Variants in TECPR2 observed in about 807,000 individuals in gnomAD.
TECPR2 encodes tectonin beta-propeller repeat-containing protein 2.
A neutral mutation model predicts 138.1 loss-of-function variants in TECPR2; 65 were observed. The ratio of observed to expected loss-of-function variants is 0.47; its 90% confidence interval spans 0.39 to 0.58. The LOEUF (loss-of-function observed/expected upper bound fraction) is 0.58, where lower values mean the gene tolerates loss of function less well. Among genes scored for constraint, TECPR2 ranks in the 20% least tolerant of loss-of-function variants. The pLI, the probability that TECPR2 is intolerant of heterozygous loss-of-function variation, is 0.00. For synonymous variants in TECPR2, 746 were observed against 749.8 expected, an observed-to-expected ratio of 0.99 and a Z score of 0.08; for missense variants, 1,553 against 1,824.5, an observed-to-expected ratio of 0.85 and a Z score of 2.71.
At chr14:102,483,370 CT>C (rs1262375571) in intron 17 of TECPR2, among the ~76,000 whole-genome samples, 1 of 151,750 alleles carries the variant, frequency 6.6e-6, no homozygotes, top group African/African-American at 2.4e-5. Context: ...TCTTGTTTTC[CT>C]TTTTTTGTTG....
rs1254327793 is a variant in TECPR2 at position 102,376,667 on chromosome 14, A to G, written c.-55A>G. Reference sequence around the variant, plus strand: ...TTCTGTAGCCCCCAGGTTTCCCTAGATGACAAATAAACATTCCTTTTCCTG... The same window carrying G: ...TTCTGTAGCCCCCAGGTTTCCCTAGGTGACAAATAAACATTCCTTTTCCTG... On this transcript the variant is annotated 5_prime_UTR_variant, in exon 2 of 20. An upstream start codon of the reference 5' UTR is lost. Transcript: ENST00000359520. The G allele has an allele frequency of 6.5e-7, 1 of 1,536,322 alleles. No homozygotes were observed. Among genetic ancestry groups the G allele is most frequent in the Non-Finnish European group, 9.0e-7 (1 of 1,112,626 alleles).
chr14:102,428,098 G>A (rs781550093), intron 6 of TECPR2, 152 bp from the exon 7 acceptor site: 26 of 1,128,020 alleles, frequency 2.3e-5, no homozygotes, highest in Non-Finnish European at 2.9e-5. Context: ...ACCTAACTTT[G>A]GATTGAATTG....
intron 2 of TECPR2, among the ~76,000 whole-genome samples, chr14:102,391,114 A>G (rs1888159220): frequency 6.6e-6 from 1 of 152,170 alleles, no homozygotes; most frequent in South Asian, 2.1e-4. Context: ...GCTGGAGTGC[A>G]GTGGCATGAT....
chr14:102,495,759 C>G (rs1350285480), intron 17 of TECPR2, among the ~76,000 whole-genome samples: 1 of 152,264 alleles, frequency 6.6e-6, no homozygotes, highest in Non-Finnish European at 1.5e-5. Context: ...GGGACTGGCC[C>G]TGGGGCTGAG....
At chr14:102,494,824 CAAA>C (rs527379957) in intron 17 of TECPR2, among the ~76,000 whole-genome samples, 1 of 64,024 alleles carries the variant, frequency 1.6e-5, no homozygotes. Context: ...AACTCCGTCT[CAAA>C]AAAAAAAAAA....
rs193256058 is a variant in TECPR2, at chr14:102,385,327, T to G, written c.219+8387T>G. Among the ~76,000 whole-genome samples, 525 of 152,272 alleles carry G rather than the reference T, an allele frequency of 3.4e-3. 5 individuals are homozygous for G. The highest frequency in any genetic ancestry group is 0.012 in the African/African-American group (495 of 41,564). ...TCTATTCATGAGGGATCTACCCCCA[T>G]GGCCCAAACACCTCCTACTAGGCCC... On this transcript the variant is annotated intron_variant, in intron 2 of 19. Coordinates refer to ENST00000359520, the MANE Select transcript of TECPR2 (RefSeq NM_014844.5).
chr14:102,475,702 C>A (rs1890742898), intron 17 of TECPR2, among the ~76,000 whole-genome samples: 1 of 152,018 alleles, frequency 6.6e-6, no homozygotes, highest in Non-Finnish European at 1.5e-5. Flanking sequence ...AGATAAAATT[C>A]ACATGGGCAA....
At chr14:102,378,913 C>T (rs1011851810) in intron 2 of TECPR2, among the ~76,000 whole-genome samples, 2 of 152,174 alleles carry the variant, frequency 1.3e-5, no homozygotes, top group African/African-American at 4.8e-5. Context: ...GCGTGAGCCA[C>T]CACACCTGCC....
intron 5 of TECPR2, among the ~76,000 whole-genome samples, chr14:102,424,372 C>T (rs1235033106): frequency 6.6e-6 from 1 of 152,180 alleles, no homozygotes; most frequent in Non-Finnish European, 1.5e-5. Context: ...TGCTCTGTCA[C>T]CCAGGTTGGA....
intron 17 of TECPR2, among the ~76,000 whole-genome samples, chr14:102,471,350 T>C (rs1890648948): frequency 6.6e-6 from 1 of 152,198 alleles, no homozygotes; most frequent in Non-Finnish European, 1.5e-5. Flanking sequence ...TTGTTCACAG[T>C]ATTCTTCTGT....
At chr14:102,389,567 C>T (rs1888109584) in intron 2 of TECPR2, among the ~76,000 whole-genome samples, 1 of 152,122 alleles carries the variant, frequency 6.6e-6, no homozygotes, top group East Asian at 1.9e-4. Flanking sequence ...TGAGTAATTG[C>T]AAAGGTGATA....
At chr14:102,449,435 T>C (rs1003617580) in intron 13 of TECPR2, among the ~76,000 whole-genome samples, 194 bp from the exon 14 acceptor site, 4 of 152,262 alleles carry the variant, frequency 2.6e-5, no homozygotes, top group African/African-American at 7.2e-5. Context: ...GAGTTAGCAT[T>C]AGCAGTTTGA....
At chr14:102,437,974 T>C in intron 9 of TECPR2, 48 bp from the exon 10 acceptor site, 1 of 1,588,508 alleles carries the variant, frequency 6.3e-7, no homozygotes. Flanking sequence ...GTAAGCCAAA[T>C]GTGGCTGTGT....
At chr14:102,391,005 C>T (rs1217293170) in intron 2 of TECPR2, among the ~76,000 whole-genome samples, 1 of 152,114 alleles carries the variant, frequency 6.6e-6, no homozygotes, top group African/African-American at 2.4e-5. Context: ...GAGGGCCAGA[C>T]CCTACATGTA....
rs1891387682 is a variant in TECPR2 at position 102,499,501 on chromosome 14, C to T, written c.*1244C>T. 3 of 475,666 alleles carry T rather than the reference C, an allele frequency of 6.3e-6. No homozygotes were observed. The highest frequency in any genetic ancestry group is 1.1e-5 in the Non-Finnish European group (3 of 262,916). The allele number at this position is 475,666 out of a possible 1,614,324, so 29.5% of individuals were successfully genotyped here. A position where few individuals can be genotyped will look rare whatever the true frequency, so the allele number is the denominator to read the frequency against. ...GGCAGGCATCCCCGCACAGACTTGA[C>T]TGGCAGGGCGGTCACGGGACCTGCG... On this transcript the variant is annotated 3_prime_UTR_variant, in exon 20 of 20. Coordinates refer to ENST00000359520, the MANE Select transcript of TECPR2 (RefSeq NM_014844.5).
chr14:102,494,269 G>A (rs942218122), intron 17 of TECPR2, among the ~76,000 whole-genome samples: 4 of 152,180 alleles, frequency 2.6e-5, no homozygotes, highest in East Asian at 1.9e-4. Flanking sequence ...GTGGCTGGGC[G>A]CAGTGGCTCA....
At position 102,438,126 on chromosome 14, in the gene TECPR2, C is replaced by A; in HGVS notation, c.2499C>A (p.Phe833Leu). The A allele has an allele frequency of 6.2e-7, 1 of 1,613,994 alleles. No individual in the cohort carries two copies. The highest frequency in any genetic ancestry group is 8.5e-7 in the Non-Finnish European group (1 of 1,179,992). ...GCCTGGACTACAAAGGCGGCCTGTT[C>A]TGCAGCGCGTTGCCGGGCGCCGGGC... ...IWCLDYKGGL[F>L]CSALPGAGLR... Residue 833 changes from phenylalanine to leucine, a missense_variant, in exon 10 of 20, where the codon TTC (phenylalanine) becomes TTA (leucine). By Grantham distance (22) the Phe-to-Leu change is conservative (BLOSUM62 0). Transcript: ENST00000359520.
In TECPR2 at chr14:102,419,768, A is replaced by G. The variant is rs190209692; in HGVS notation, c.638+4975A>G. 6.6e-6 allele frequency among the ~76,000 whole-genome samples: 1 copy of G among 152,204 alleles called. No individual in the cohort carries two copies. Among genetic ancestry groups the G allele is most frequent in the Admixed American group, 6.5e-5 (1 of 15,292 alleles). ...CGTGGGTTTGCTGTCCTGTGTATTT[A>G]TGTTGCATTGTTTCATGTGTCAGAG... On this transcript the variant is annotated intron_variant, in intron 5 of 19. Coordinates refer to ENST00000359520, the MANE Select transcript of TECPR2 (RefSeq NM_014844.5). The surrounding 1 kb of genome is among the most constrained non-coding windows in gnomAD (Gnocchi z 4.8).
At chr14:102,406,313 C>G (rs534362813) in intron 2 of TECPR2, among the ~76,000 whole-genome samples, 8 of 152,086 alleles carry the variant, frequency 5.3e-5, no homozygotes, top group Non-Finnish European at 1.2e-4. Flanking sequence ...CTTTGGGAGG[C>G]CAAGGCGGGC....
Sources: gnomAD v4.1 joint callset for allele counts (sites outside exome capture counted in the v4.1 genomes callset) on GRCh38, gnomAD v4.1.1 for gene constraint, Gnocchi (gnomAD v3.1) non-coding constraint, MANE v1.5 for transcripts, NCBI Gene and HGNC (gene_info 2026-07-23, HGNC 2026-07-21) for gene names.